PDE4D: variants seen among roughly 807,000 people sequenced by gnomAD.
The protein encoded by PDE4D is phosphodiesterase 4D, also known as 3',5'-cyclic-AMP phosphodiesterase 4D.
Under a neutral mutation model 87.4 loss-of-function variants are expected in PDE4D, and 24 were observed. The observed-to-expected ratio is 0.27, with a 90% CI of 0.20 to 0.39. The LOEUF (loss-of-function observed/expected upper bound fraction) is 0.39, where lower values mean the gene tolerates loss of function less well. Among genes scored for constraint, PDE4D ranks in the 10% least tolerant of loss-of-function variants. The pLI is 1.00. For missense variants in PDE4D, 714 were observed against 1,041.0 expected (o/e 0.69, Z 4.32); for synonymous variants, 384 against 383.2 (o/e 1.00, Z -0.02).
intron 5 of PDE4D, among the ~76,000 whole-genome samples, chr5:59,139,622 G>A (rs1581016129): frequency 1.3e-5 from 2 of 151,956 alleles, no homozygotes; most frequent in African/African-American, 4.8e-5. Flanking sequence ...GGAACCTACT[G>A]CCATGCCAAT....
intron 1 of PDE4D, among the ~76,000 whole-genome samples, chr5:59,778,287 C>T (rs1322074639): frequency 3.3e-5 from 5 of 152,134 alleles, no homozygotes; most frequent in African/African-American, 4.8e-5. Context: ...AGTATGCATC[C>T]GCCAACTCAA....
At chr5:60,431,665 C>A (rs548574909) in intron 1 of PDE4D, among the ~76,000 whole-genome samples, 2 of 151,964 alleles carry the variant, frequency 1.3e-5, no homozygotes, top group South Asian at 2.1e-4. Context: ...ACTTCCCAGA[C>A]GGGGTGGCAG....
At chr5:60,128,458 T>C (rs1779298868) in intron 2 of PDE4D, among the ~76,000 whole-genome samples, 1 of 152,170 alleles carries the variant, frequency 6.6e-6, no homozygotes, top group African/African-American at 2.4e-5. Context: ...AAGCCACTTC[T>C]GGGCCTGCTC....
At chr5:60,175,459 G>A (rs1001949096) in intron 2 of PDE4D, among the ~76,000 whole-genome samples, 1 of 151,896 alleles carries the variant, frequency 6.6e-6, no homozygotes, top group African/African-American at 2.4e-5. Flanking sequence ...GCTTTCTCTT[G>A]CCTTTTCATA....
In PDE4D at chr5:59,607,137, T is replaced by C. The variant is rs1316427701; in HGVS notation, c.455+286031A>G. Among the ~76,000 whole-genome samples, 7 of 152,182 alleles carry C rather than the reference T, an allele frequency of 4.6e-5. No individual in the cohort carries two copies. In the East Asian group the frequency reaches 1.3e-3, roughly 29 times the overall value. On this transcript the variant is annotated intron_variant, in intron 1 of 14. Transcript: ENST00000340635. ...TAGAATTAGGCTGTAATTTGATTCC[T>C]AACCCTATTGATGACTTCCTAAACC...
At chr5:59,564,424 G>T (rs2153692921) in intron 1 of PDE4D, among the ~76,000 whole-genome samples, 1 of 152,274 alleles carries the variant, frequency 6.6e-6, no homozygotes, top group South Asian at 2.1e-4. Flanking sequence ...TCATTAAGGG[G>T]CCTCAAAGCC....
intron 2 of PDE4D, among the ~76,000 whole-genome samples, chr5:60,043,833 T>C (rs1768817074): frequency 6.6e-6 from 1 of 152,208 alleles, no homozygotes; most frequent in East Asian, 1.9e-4. Flanking sequence ...TGGTGACAGA[T>C]TCAGCCTTTG....
chr5:59,556,785 A>G (rs183496220), intron 1 of PDE4D, among the ~76,000 whole-genome samples: 79 of 152,276 alleles, frequency 5.2e-4, no homozygotes, highest in Non-Finnish European at 8.1e-4. Flanking sequence ...AAAAAAAATT[A>G]TTGACTTTGT....
rs570006806 is a variant in PDE4D at position 59,989,758 on chromosome 5, A to G, written c.43-1041T>C. Among the ~76,000 whole-genome samples the G allele has an allele frequency of 2.6e-5, 4 of 152,312 alleles. No individual in the cohort carries two copies. The East Asian group carries it at 7.7e-4, about 29-fold the overall frequency. The stretch of plus-strand genomic sequence containing the variant: ...AATAATTATTTCCAAATGGCTGGAA[A>G]GTCTACTCTAGCAATATTTATTATA... On this transcript the variant is annotated intron_variant, in intron 2 of 16. Transcript: ENST00000502484.
At chr5:59,421,386 A>G (rs1794462529) in intron 1 of PDE4D, among the ~76,000 whole-genome samples, 3 of 152,186 alleles carry the variant, frequency 2.0e-5, no homozygotes, top group Admixed American at 2.0e-4. Context: ...GGTGGATTAT[A>G]TGAAAACCAG....
chr5:60,140,551 GAAA>G, intron 2 of PDE4D, among the ~76,000 whole-genome samples: 1 of 140,976 alleles, frequency 7.1e-6, no homozygotes, highest in South Asian at 2.3e-4. Context: ...AATAAAAGGA[GAAA>G]AAAAAAAAAA....
At chr5:59,823,900 C>T (rs531942620) in intron 1 of PDE4D, among the ~76,000 whole-genome samples, 19 of 150,432 alleles carry the variant, frequency 1.3e-4, no homozygotes, top group African/African-American at 4.4e-4. Context: ...GCCTATCATC[C>T]TCATGTCAGC....
At chr5:60,264,312 C>T (rs182286922) in intron 1 of PDE4D, among the ~76,000 whole-genome samples, 43 of 152,262 alleles carry the variant, frequency 2.8e-4, no homozygotes, top group Non-Finnish European at 4.3e-4. Context: ...TTTCCTGACA[C>T]GACTTGAAGA....
chr5:59,083,330 C>A (rs572151140), intron 5 of PDE4D, among the ~76,000 whole-genome samples: 1 of 151,938 alleles, frequency 6.6e-6, no homozygotes, highest in Admixed American at 6.6e-5. Flanking sequence ...AGATATGTAT[C>A]CTTTTTTCCT....
intron 1 of PDE4D, among the ~76,000 whole-genome samples, chr5:59,698,831 A>G (rs1752173738): frequency 6.6e-6 from 1 of 152,214 alleles, no homozygotes; most frequent in Admixed American, 6.5e-5. Context: ...GACTATCATT[A>G]GTGATCACAG....
At chr5:59,036,574 G>T (rs1758543610) in intron 6 of PDE4D, among the ~76,000 whole-genome samples, 1 of 152,154 alleles carries the variant, frequency 6.6e-6, no homozygotes, top group African/African-American at 2.4e-5. Context: ...TTGTGGATGT[G>T]GCTTATTCAT....
chr5:59,126,107 A>AAAAAG (rs369679211), intron 5 of PDE4D, among the ~76,000 whole-genome samples: 1 of 148,172 alleles, frequency 6.7e-6, no homozygotes, highest in South Asian at 2.1e-4. Context: ...AAAAAAAAAA[A>AAAAAG]AGAGAGAGAG....
intron 1 of PDE4D, among the ~76,000 whole-genome samples, chr5:59,731,048 C>T (rs746146373): frequency 3.9e-5 from 6 of 151,984 alleles, no homozygotes; most frequent in South Asian, 4.1e-4. Flanking sequence ...ATTGTATATA[C>T]GATATCCATT....
intron 2 of PDE4D, among the ~76,000 whole-genome samples, chr5:60,057,579 A>G (rs1371094650): frequency 1.3e-5 from 2 of 151,774 alleles, no homozygotes; most frequent in Admixed American, 1.3e-4. Context: ...TTATTTTTTT[A>G]TTTTGATGCT....
Sources: gnomAD v4.1 joint callset for allele counts (sites outside exome capture counted in the v4.1 genomes callset) on GRCh38, gnomAD v4.1.1 for gene constraint, MANE v1.5 for transcripts, NCBI Gene and HGNC (gene_info 2026-07-23, HGNC 2026-07-21) for gene names.